Variants in NHSL1 observed in about 807,000 individuals in gnomAD.
NHSL1 encodes NHS-like protein 1.
Under a neutral mutation model 95.0 loss-of-function variants are expected in NHSL1, and 48 were observed. That is an observed-to-expected ratio of 0.51 (90% confidence interval 0.40 to 0.64). NHSL1 has a LOEUF of 0.64. NHSL1 is among the 30% of genes least tolerant of loss of function. The pLI is 0.00. For synonymous variants in NHSL1, 783 were observed against 833.9 expected, an observed-to-expected ratio of 0.94 and a Z score of 1.05; for missense variants, 1,971 against 2,077.7, an observed-to-expected ratio of 0.95 and a Z score of 1.00.
intron 1 of NHSL1, among the ~76,000 whole-genome samples, chr6:138,618,219 C>A (rs1784607186): frequency 6.6e-6 from 1 of 152,166 alleles, no homozygotes; most frequent in African/African-American, 2.4e-5. Context: ...ACATCAGCTA[C>A]CCAAGGAGAT....
chr6:138,543,178 A>G (rs1404570378), intron 1 of NHSL1, among the ~76,000 whole-genome samples: 2 of 152,212 alleles, frequency 1.3e-5, no homozygotes, highest in Non-Finnish European at 2.9e-5. Flanking sequence ...CCAGACCATA[A>G]TGGATCACTT....
chr6:138,652,355 C>A lies in NHSL1; in HGVS notation c.96+40121G>T, dbSNP rs1785103744. ...ACTCGGGAGGTTGAAGCAGGAGAAT[C>A]ACTTGAACCCGGAGGCAGAGGTTGC... On this transcript the variant is annotated intron_variant, in intron 1 of 3. Transcript: ENST00000491526. Among the ~76,000 whole-genome samples the A allele has an allele frequency of 2.6e-5, 4 of 151,478 alleles. No homozygotes were observed. The South Asian group carries it at 8.4e-4, about 32-fold the overall frequency.
At chr6:138,689,081 T>A (rs1785625823) in intron 1 of NHSL1, among the ~76,000 whole-genome samples, 1 of 152,314 alleles carries the variant, frequency 6.6e-6, no homozygotes, top group Non-Finnish European at 1.5e-5. Context: ...AAAAGATCCA[T>A]CCTCCTTCCT....
intron 1 of NHSL1, among the ~76,000 whole-genome samples, chr6:138,676,424 T>TA (rs1212697450): frequency 6.6e-6 from 1 of 152,116 alleles, no homozygotes; most frequent in Non-Finnish European, 1.5e-5. Context: ...AAAACTAGTC[T>TA]AAAAAATAGT....
intron 4 of NHSL1, among the ~76,000 whole-genome samples, chr6:138,445,513 TTTTAAGA>T (rs1776808473): frequency 2.6e-5 from 4 of 152,230 alleles, no homozygotes; most frequent in African/African-American, 9.6e-5. Context: ...CCTGCTATTC[TTTTAAGA>T]TTTAAGTAAA....
intron 1 of NHSL1, among the ~76,000 whole-genome samples, chr6:138,635,104 A>C (rs1452034304): frequency 1.3e-5 from 2 of 152,102 alleles, no homozygotes; most frequent in South Asian, 2.1e-4. Context: ...TCAAATAAAC[A>C]ACCTAACAAT....
At chr6:138,609,285 G>A (rs1168493696) in intron 1 of NHSL1, among the ~76,000 whole-genome samples, 3 of 152,160 alleles carry the variant, frequency 2.0e-5, no homozygotes, top group Non-Finnish European at 4.4e-5. Context: ...AAGCTATGGA[G>A]GAATGTGGAT....
rs150588329 is a variant in NHSL1 at position 138,452,281 on chromosome 6, C to A, written c.340-5088G>T. Among the ~76,000 whole-genome samples the A allele has an allele frequency of 7.6e-3, 1,150 of 152,292 alleles. 14 individuals carry two copies. Among genetic ancestry groups the A allele is most frequent in the African/African-American group, 0.027 (1,121 of 41,556 alleles). On this transcript the variant is annotated intron_variant, in intron 3 of 7. Transcript: ENST00000343505. ...TGCTGGAAGACCTGCATTTTAGAGA[C>A]TTCTAGGTTCTACCCGGAAATCAGA...
At chr6:138,650,466 GC>G in intron 1 of NHSL1, 1 of 1,025,076 alleles carries the variant, frequency 9.8e-7, no homozygotes, top group Non-Finnish European at 1.5e-6. Context: ...GCTCCGGATG[GC>G]CAGGGCCTGG....
At chr6:138,585,680 C>T (rs888783754) in intron 1 of NHSL1, among the ~76,000 whole-genome samples, 10 of 151,848 alleles carry the variant, frequency 6.6e-5, no homozygotes, top group African/African-American at 1.9e-4. Flanking sequence ...GGCACTGAAT[C>T]GCTCCATAAA....
At chr6:138,505,796 A>G (rs1780931347) in intron 1 of NHSL1, among the ~76,000 whole-genome samples, 1 of 152,198 alleles carries the variant, frequency 6.6e-6, no homozygotes, top group African/African-American at 2.4e-5. Context: ...GACCGTTTGA[A>G]ATGCTTCTCA....
At chr6:138,611,746 A>G (rs1340924821) in intron 1 of NHSL1, among the ~76,000 whole-genome samples, 1 of 148,698 alleles carries the variant, frequency 6.7e-6, no homozygotes, top group African/African-American at 2.6e-5. Flanking sequence ...ACTCCAACAC[A>G]AAATAAAAAT....
At chr6:138,460,853 C>A (rs1012954110) in intron 3 of NHSL1, among the ~76,000 whole-genome samples, 81 of 151,576 alleles carry the variant, frequency 5.3e-4, no homozygotes, top group Non-Finnish European at 1.8e-4. Flanking sequence ...CTCCTGTTAT[C>A]ACTCCTGGTG....
In NHSL1 at chr6:138,521,214, C is replaced by T. The variant is rs1453442305; in HGVS notation, c.16+24409G>A. 2.0e-5 allele frequency among the ~76,000 whole-genome samples: 3 copies of T among 152,254 alleles called. No individual in the cohort carries two copies. In the East Asian group the frequency reaches 5.8e-4, roughly 29 times the overall value. ...TTCCTTTTTGTCTTTAAAAGCCTCC[C>T]CCAGGCCAGGCGTGGTGGCTCACAT... On this transcript the variant is annotated intron_variant, in intron 1 of 4. Transcript: ENST00000342260.
intron 1 of NHSL1, among the ~76,000 whole-genome samples, chr6:138,528,002 C>G (rs1718793398): frequency 6.6e-6 from 1 of 152,158 alleles, no homozygotes; most frequent in Non-Finnish European, 1.5e-5. Flanking sequence ...TTCATTTATG[C>G]TTCTTACATT....
chr6:138,566,301 G>A (rs895168571), intron 1 of NHSL1, among the ~76,000 whole-genome samples: 28 of 152,100 alleles, frequency 1.8e-4, no homozygotes, highest in African/African-American at 6.7e-4. Context: ...AGGAGGCTGA[G>A]GCAGGAGAAT....
At chr6:138,474,667 G>A (rs1428833012) in intron 2 of NHSL1, among the ~76,000 whole-genome samples, 1 of 152,144 alleles carries the variant, frequency 6.6e-6, no homozygotes, top group Non-Finnish European at 1.5e-5. Flanking sequence ...GGTCAAAAAT[G>A]TTGTGGTCTG....
chr6:138,659,101 G>A (rs952372309), intron 1 of NHSL1, among the ~76,000 whole-genome samples: 28 of 147,712 alleles, frequency 1.9e-4, no homozygotes, highest in African/African-American at 6.8e-4. Context: ...CCAGGCTGGA[G>A]TGTAGTGGCA....
At chr6:138,575,284 A>G (rs751187255), upstream of NHSL1, among the ~76,000 whole-genome samples, 4 of 152,182 alleles carry the variant, frequency 2.6e-5, no homozygotes, top group Non-Finnish European at 5.9e-5. Context: ...CACAGCAGCA[A>G]AGGTGAATTG....
Sources: gnomAD v4.1 joint callset for allele counts (sites outside exome capture counted in the v4.1 genomes callset) on GRCh38, gnomAD v4.1.1 for gene constraint, MANE v1.5 for transcripts, NCBI Gene and HGNC (gene_info 2026-07-23, HGNC 2026-07-21) for gene names.